CTTN: variants seen among roughly 807,000 people sequenced by gnomAD.
The protein encoded by CTTN is cortactin, also known as src substrate cortactin.
CTTN carries 28 observed loss-of-function variants against 84.0 expected under a neutral mutation model. The observed-to-expected ratio is 0.33, with a 90% CI of 0.25 to 0.46. The LOEUF is 0.46. Ranked by LOEUF, CTTN falls within the 20% of genes least tolerant of loss-of-function variation. CTTN has a pLI of 1.00. For missense variants in CTTN, 641 were observed against 723.8 expected, an observed-to-expected ratio of 0.89 and a Z score of 1.31; for synonymous variants, 301 against 288.8, an observed-to-expected ratio of 1.04 and a Z score of -0.43.
intron 13 of CTTN, 49 bp downstream of exon 13, chr11:70,425,450 A>C: frequency 7.0e-7 from 1 of 1,431,968 alleles, no homozygotes; most frequent in Non-Finnish European, 9.8e-7. Context: ...CCAGGAAAAC[A>C]CTGAGGGGAA....
chr11:70,413,467 C>G (rs574242999), intron 5 of CTTN, among the ~76,000 whole-genome samples: 20 of 152,236 alleles, frequency 1.3e-4, no homozygotes, highest in African/African-American at 4.8e-4. Flanking sequence ...ACCAGAGGGT[C>G]TCTCAATAGA....
In CTTN at chr11:70,420,434, GCAGA is replaced by G; in HGVS notation, c.725_728del (p.Arg242LysfsTer101). The stretch of plus-strand genomic sequence containing the variant: ...AAGGGTTTGGAGGAAAATTTGGTGT[GCAGA>G]CAGACAGACAAGACAAATGTGCCCT... On this transcript the variant is annotated frameshift_variant, in exon 10 of 18. Coordinates refer to ENST00000301843, the MANE Select transcript of CTTN (RefSeq NM_005231.4). LOFTEE classifies it high-confidence loss of function. 1 of 1,614,166 alleles carries G rather than the reference GCAGA, an allele frequency of 6.2e-7. No homozygotes were observed. Among genetic ancestry groups the G allele is most frequent in the South Asian group, 1.1e-5 (1 of 91,082 alleles).
At chr11:70,408,936 A>G in intron 4 of CTTN, among the ~76,000 whole-genome samples, 1 of 151,982 alleles carries the variant, frequency 6.6e-6, no homozygotes, top group East Asian at 1.9e-4. Flanking sequence ...TGTGGCTTCA[A>G]AACATGTCTC....
At chr11:70,409,763 T>G in intron 4 of CTTN, 68 bp from the exon 5 acceptor site, 5 of 1,528,202 alleles carry the variant, frequency 3.3e-6, no homozygotes, top group Non-Finnish European at 4.5e-6. Flanking sequence ...TTCTTATTTA[T>G]CATACCAGGA....
intron 17 of CTTN, 144 bp downstream of exon 17, chr11:70,433,862 C>T (rs2058383783): frequency 3.0e-6 from 2 of 655,818 alleles, no homozygotes; most frequent in Non-Finnish European, 5.5e-6. Flanking sequence ...AGAAAAGTTG[C>T]AGGTATAGTG....
At chr11:70,428,672 C>T (rs2058323872) in intron 13 of CTTN, among the ~76,000 whole-genome samples, 1 of 152,198 alleles carries the variant, frequency 6.6e-6, no homozygotes, top group African/African-American at 2.4e-5. Context: ...TTGAGATTTA[C>T]TATACTCAGT....
Position 70,426,646 on chromosome 11 carries a change from G to A in CTTN, c.1027+1245G>A, listed in dbSNP as rs187233837. Reference sequence around the variant, plus strand: ...CGCCCAGGCTGGAGTGCAGTGGCGCGGACTCGGCTCACTGCAAGCTCCGCC... The same window carrying A: ...CGCCCAGGCTGGAGTGCAGTGGCGCAGACTCGGCTCACTGCAAGCTCCGCC... On this transcript the variant is annotated intron_variant, in intron 13 of 17. Transcript: ENST00000301843. Among the ~76,000 whole-genome samples, 501 of 150,030 alleles carry A rather than the reference G, an allele frequency of 3.3e-3. 3 individuals carry two copies. The highest frequency in any genetic ancestry group is 0.012 in the African/African-American group (475 of 40,892).
intron 5 of CTTN, among the ~76,000 whole-genome samples, chr11:70,412,671 T>TG (rs1478759614): frequency 6.6e-6 from 1 of 152,160 alleles, no homozygotes; most frequent in Non-Finnish European, 1.5e-5. Context: ...ACCTTTCCCT[T>TG]GCGGCCAGCG....
intron 15 of CTTN, 44 bp downstream of exon 15, chr11:70,431,324 C>G (rs765418146): frequency 1.5e-5 from 24 of 1,588,348 alleles, no homozygotes; most frequent in Non-Finnish European, 2.0e-5. Context: ...GACTTACTGC[C>G]AGAGCCCAGG....
At chr11:70,425,504 A>G in intron 13 of CTTN, 103 bp downstream of exon 13, 2 of 805,468 alleles carry the variant, frequency 2.5e-6, no homozygotes, top group South Asian at 3.1e-5. Flanking sequence ...CACTAGTTGA[A>G]AGCGTGGTTG....
In CTTN at chr11:70,423,012, C is replaced by A. The variant is rs373432011; in HGVS notation, c.957+17C>A. The A allele has an allele frequency of 6.2e-7, 1 of 1,613,394 alleles. No homozygotes were observed. Among genetic ancestry groups the A allele is most frequent in the Non-Finnish European group, 8.5e-7 (1 of 1,179,802 alleles). On this transcript the variant is annotated intron_variant, in intron 12 of 17. Coordinates refer to ENST00000301843, the MANE Select transcript of CTTN (RefSeq NM_005231.4). ...ATGGATAAGGTAAATATTCCAGCCCCGGAGCTTAGTGTCTTCTGCCTGCAG... is the reference window on the plus strand; with the variant it reads ...ATGGATAAGGTAAATATTCCAGCCCAGGAGCTTAGTGTCTTCTGCCTGCAG...
chr11:70,407,175 G>A (rs2058048602), intron 2 of CTTN, 123 bp from the exon 3 acceptor site: 2 of 709,678 alleles, frequency 2.8e-6, no homozygotes, highest in South Asian at 3.5e-5. Flanking sequence ...GGATTGGCTG[G>A]TCCTGCAGCC....
rs1387460117 is a variant in CTTN at position 70,405,735 on chromosome 11, C to T, written c.-1+374C>T. Among the ~76,000 whole-genome samples the T allele has an allele frequency of 4.6e-5, 7 of 152,216 alleles. 1 individual carries two copies. ...CGGGAAGATGAGCAGAGACTGTGCT[C>T]TGCTAATCTCTCCCCGATGAGCCTG... On this transcript the variant is annotated intron_variant, in intron 2 of 17. Transcript: ENST00000301843.
chr11:70,432,460 C>T (rs1372513352), intron 15 of CTTN, among the ~76,000 whole-genome samples: 6 of 152,224 alleles, frequency 3.9e-5, no homozygotes, highest in African/African-American at 9.6e-5. Context: ...CAGTCACTGC[C>T]GGTGACATCA....
Position 70,419,755 on chromosome 11 carries a change from A to G in CTTN, c.578A>G (p.Lys193Arg). Residue 193 changes from lysine (K) to arginine (R), a missense_variant, in exon 9 of 18, where the codon AAA (lysine) becomes AGA (arginine). Lys to Arg is a conservative substitution (Grantham distance 26, BLOSUM62 2). Around this residue, in one of 3 missense-constraint regions of CTTN, gnomAD observed 284 missense variants for 348.4 expected, o/e 0.82. Transcript: ENST00000301843. ...TTTTGTTTGTTTTTAGATTACTCCA[A>G]AGGTTTCGGCGGCAAATACGGTATC... is the stretch of plus-strand genomic sequence containing the variant. Reference protein sequence around the residue: ...EKHESQRDYSKGFGGKYGIDK... With the variant: ...EKHESQRDYSRGFGGKYGIDK... 3 of 1,609,778 alleles carry G rather than the reference A, an allele frequency of 1.9e-6. No individual in the cohort carries two copies. The highest frequency in any genetic ancestry group is 3.3e-4 in the Middle Eastern group (2 of 6,050).
chr11:70,426,622 G>T (rs1161439803), intron 13 of CTTN, among the ~76,000 whole-genome samples: 2 of 149,350 alleles, frequency 1.3e-5, no homozygotes, highest in East Asian at 4.1e-4. Context: ...TCACTTTGTC[G>T]CCCAGGCTGG....
intron 4 of CTTN, among the ~76,000 whole-genome samples, chr11:70,409,376 A>T (rs549767462): frequency 5.3e-5 from 8 of 152,330 alleles, no homozygotes; most frequent in Admixed American, 5.2e-4. Context: ...TGAATGTATA[A>T]AAAAGCTGGA....
At chr11:70,429,825 CA>C (rs1275454256) in intron 14 of CTTN, among the ~76,000 whole-genome samples, 5 of 151,786 alleles carry the variant, frequency 3.3e-5, no homozygotes, top group African/African-American at 9.7e-5. Context: ...TCAGCTGGAT[CA>C]GGGGGGTTGT....
intron 2 of CTTN, among the ~76,000 whole-genome samples, chr11:70,405,634 G>T (rs983597778): frequency 2.6e-5 from 4 of 152,162 alleles, no homozygotes; most frequent in African/African-American, 9.6e-5. Context: ...CCCACCCCAT[G>T]AACATGGGTG....
Sources: gnomAD v4.1 joint callset for allele counts (sites outside exome capture counted in the v4.1 genomes callset) on GRCh38, gnomAD v4.1.1 for gene constraint, gnomAD v4.1.1 regional missense constraint, MANE v1.5 for transcripts, NCBI Gene and HGNC (gene_info 2026-07-23, HGNC 2026-07-21) for gene names.